TLL1: variants seen among roughly 807,000 people sequenced by gnomAD.
TLL1 encodes the protein tolloid-like protein 1.
TLL1 carries 49 observed loss-of-function variants against 128.2 expected under a neutral mutation model. That is an observed-to-expected ratio of 0.38 (90% CI 0.30 to 0.48). TLL1 has a LOEUF of 0.48. Ranked by LOEUF, TLL1 falls within the 20% of genes least tolerant of loss-of-function variation. The pLI is 0.96. For missense variants in TLL1, 1,123 were observed against 1,242.0 expected (o/e 0.90, Z 1.44); for synonymous variants, 454 against 418.8 (o/e 1.08, Z -1.03).
At chr4:165,883,195 C>T (rs1429983514) in intron 1 of TLL1, among the ~76,000 whole-genome samples, 3 of 152,060 alleles carry the variant, frequency 2.0e-5, no homozygotes, top group Non-Finnish European at 4.4e-5. Flanking sequence ...TTGAATGGCA[C>T]GTGTAGCTGA....
chr4:165,976,638 A>G (rs1345601369), intron 1 of TLL1, among the ~76,000 whole-genome samples: 1 of 152,238 alleles, frequency 6.6e-6, no homozygotes, highest in African/African-American at 2.4e-5. Flanking sequence ...TATTAGATAT[A>G]AAGATTCATA....
At chr4:166,086,962 G>T (rs771804285) in intron 18 of TLL1, among the ~76,000 whole-genome samples, 31 of 152,076 alleles carry the variant, frequency 2.0e-4, no homozygotes, top group Non-Finnish European at 4.1e-4. Flanking sequence ...CAAAGAAATT[G>T]CAGTCAAAAG....
At chr4:165,891,729 A>G (rs559245826) in intron 1 of TLL1, among the ~76,000 whole-genome samples, 1 of 152,310 alleles carries the variant, frequency 6.6e-6, no homozygotes, top group Admixed American at 6.5e-5. Context: ...GTCTCTAGGA[A>G]GTTCCAAACT....
intron 1 of TLL1, among the ~76,000 whole-genome samples, chr4:165,985,750 C>A (rs2111003940): frequency 6.6e-6 from 1 of 151,982 alleles, no homozygotes; most frequent in Non-Finnish European, 1.5e-5. Flanking sequence ...ATTCTGCATA[C>A]TATAATAAAA....
chr4:165,925,560 A>C (rs1733231598), intron 1 of TLL1, among the ~76,000 whole-genome samples: 1 of 152,248 alleles, frequency 6.6e-6, no homozygotes, highest in South Asian at 2.1e-4. Context: ...TTGAGATAGA[A>C]TATACCCCAG....
At chr4:165,875,833 A>G (rs925108305) in intron 1 of TLL1, among the ~76,000 whole-genome samples, 4 of 152,086 alleles carry the variant, frequency 2.6e-5, no homozygotes, top group East Asian at 1.9e-4. Context: ...GCAGATAAGT[A>G]TTTGCACCAT....
intron 12 of TLL1, among the ~76,000 whole-genome samples, chr4:166,052,965 G>GTGTGTATATATA: frequency 1.0e-4 from 10 of 99,688 alleles, no homozygotes; most frequent in East Asian, 3.1e-4. Flanking sequence ...GAGGTTATGT[G>GTGTGTATATATA]TATATATATA....
chr4:165,997,053 G>A (rs1736914978), intron 5 of TLL1, among the ~76,000 whole-genome samples: 1 of 151,958 alleles, frequency 6.6e-6, no homozygotes, highest in Admixed American at 6.6e-5. Context: ...GATGATACTT[G>A]TATAGGAATT....
intron 1 of TLL1, among the ~76,000 whole-genome samples, chr4:165,972,266 C>T (rs544070390): frequency 6.6e-6 from 1 of 152,310 alleles, no homozygotes; most frequent in South Asian, 2.1e-4. Flanking sequence ...TTTGATTTTG[C>T]ACGTTTCAGT....
At chr4:165,905,867 C>T (rs1732227157) in intron 1 of TLL1, among the ~76,000 whole-genome samples, 1 of 152,132 alleles carries the variant, frequency 6.6e-6, no homozygotes, top group Non-Finnish European at 1.5e-5. Flanking sequence ...GCTTTTCTGA[C>T]TCATTTCCCA....
At position 166,074,946 on chromosome 4, in the gene TLL1, A is replaced by C; in HGVS notation, c.2257A>C (p.Met753Leu). The change falls in exon 17 of 21, where the codon ATG becomes CTG. Residue 753 changes from methionine to leucine, a missense_variant. Around this residue, in one of 3 missense-constraint regions of TLL1, gnomAD observed 634 missense variants for 672.4 expected, o/e 0.94. Transcript: ENST00000061240. ...HECVNTMGSY[M>L]CQCRNGFVLH... is the part of the protein sequence containing the mutation. ...ATGTGTCAACACGATGGGGAGCTAC[A>C]TGTGTCAATGCCGTAATGGATTTGT... 2 of 1,613,702 alleles carry C rather than the reference A, an allele frequency of 1.2e-6. No individual in the cohort carries two copies. The highest frequency in any genetic ancestry group is 1.7e-6 in the Non-Finnish European group (2 of 1,179,686).
intron 1 of TLL1, among the ~76,000 whole-genome samples, chr4:165,894,303 G>T (rs973757037): frequency 6.6e-6 from 1 of 152,100 alleles, no homozygotes. Context: ...GAAAATATTA[G>T]AAGAAGCCAG....
intron 18 of TLL1, among the ~76,000 whole-genome samples, chr4:166,087,626 A>G (rs998969468): frequency 1.3e-5 from 2 of 152,148 alleles, no homozygotes; most frequent in Non-Finnish European, 2.9e-5. Flanking sequence ...TTATTTCTGC[A>G]TTAAGTGCTA....
Position 165,995,112 on chromosome 4 carries a change from C to T in TLL1, c.566C>T (p.Thr189Ile), listed in dbSNP as rs750462724. 13 of 1,613,796 alleles carry T rather than the reference C, an allele frequency of 8.1e-6. No homozygotes were observed. In the South Asian group the frequency reaches 1.1e-4, roughly 14 times the overall value. ...KQAMRHWEKH[T>I]CVTFIERSDE... ...GCCATGAGGCACTGGGAAAAGCACA[C>T]ATGTGTGACTTTCATAGAAAGAAGT... is the stretch of plus-strand genomic sequence containing the variant. Residue 189 changes from threonine to isoleucine, a missense_variant, in exon 5 of 21, where the codon ACA becomes ATA. Thr to Ile is a moderately conservative substitution (Grantham distance 89). Around this residue, in one of 3 missense-constraint regions of TLL1, gnomAD observed 480 missense variants for 542.4 expected, o/e 0.89. Transcript: ENST00000061240.
At chr4:166,024,376 T>C (rs1390903366) in intron 8 of TLL1, among the ~76,000 whole-genome samples, 2 of 152,216 alleles carry the variant, frequency 1.3e-5, no homozygotes, top group Non-Finnish European at 1.5e-5. Context: ...CCTTGTAATA[T>C]GATAATAGCT....
intron 9 of TLL1, among the ~76,000 whole-genome samples, chr4:166,026,888 A>C (rs938785521): frequency 6.6e-6 from 1 of 152,216 alleles, no homozygotes; most frequent in African/African-American, 2.4e-5. Flanking sequence ...ACTTAAAAAC[A>C]ATGAGTAAAA....
At chr4:166,005,096 G>A (rs1737356260) in intron 6 of TLL1, among the ~76,000 whole-genome samples, 3 of 151,978 alleles carry the variant, frequency 2.0e-5, no homozygotes, top group African/African-American at 7.2e-5. Context: ...CATCATGTGA[G>A]GGGAAATCTT....
At chr4:166,100,692 G>A in intron 20 of TLL1, 50 bp from the exon 21 acceptor site, 1 of 1,609,656 alleles carries the variant, frequency 6.2e-7, no homozygotes, top group Non-Finnish European at 8.5e-7. Context: ...AAGAAAAAGT[G>A]ATTCGTTTTA....
At chr4:165,891,094 C>T (rs1241157456) in intron 1 of TLL1, among the ~76,000 whole-genome samples, 4 of 152,146 alleles carry the variant, frequency 2.6e-5, no homozygotes, top group Non-Finnish European at 5.9e-5. Context: ...ATATTTTTCC[C>T]TTTTAGCCAC....
Sources: allele counts gnomAD v4.1 joint callset (sites outside exome capture counted in the v4.1 genomes callset), GRCh38; gene constraint gnomAD v4.1.1; regional missense constraint gnomAD v4.1.1; transcripts MANE v1.5; gene names NCBI Gene and HGNC (gene_info 2026-07-23, HGNC 2026-07-21).